The following PTK7 variants were observed in gnomAD, a reference collection of about 807,000 sequenced individuals.
The protein encoded by PTK7 is protein tyrosine kinase 7 (inactive), also known as inactive tyrosine-protein kinase 7.
In PTK7, 39 loss-of-function variants were observed where a neutral mutation model predicts 116.6. The ratio of observed to expected loss-of-function variants is 0.33; its 90% CI spans 0.26 to 0.44. The LOEUF (loss-of-function observed/expected upper bound fraction) is 0.44, where lower values mean the gene tolerates loss of function less well. PTK7 is among the 20% of genes least tolerant of loss of function. The pLI is 1.00. For missense variants in PTK7, 1,169 were observed against 1,425.6 expected (o/e 0.82, Z 2.90); for synonymous variants, 546 against 563.6 (o/e 0.97, Z 0.44).
intron 1 of PTK7, among the ~76,000 whole-genome samples, chr6:43,121,062 T>TG (rs966699470): frequency 1.3e-5 from 2 of 150,318 alleles, no homozygotes; most frequent in African/African-American, 4.9e-5. Context: ...TTCTGTTTTT[T>TG]TTTTTTTTTT....
At chr6:43,156,962 A>G (rs1298408026) in intron 17 of PTK7, among the ~76,000 whole-genome samples, 2 of 151,990 alleles carry the variant, frequency 1.3e-5, no homozygotes, top group African/African-American at 4.8e-5. Context: ...CCAGGCACAA[A>G]AGAGTATACA....
Position 43,142,284 on chromosome 6 carries a change from C to A in PTK7, c.2032C>A (p.Pro678Thr). Residue 678 changes from proline (P) to threonine (T), a missense_variant, in exon 13 of 20, where the codon CCC (proline) becomes ACC (threonine). Physicochemically the swap from Pro to Thr is conservative, Grantham distance 38. Around this residue, in one of 3 missense-constraint regions of PTK7, gnomAD observed 678 missense variants for 853.8 expected, o/e 0.79. Transcript: ENST00000230419. ...NSCNIKHTEA[P>T]LYVVDKPVPE... ...CTGCAACATCAAGCACACGGAGGCC[C>A]CCCTCTATGTCGTGGGTATGGGCTG... The A allele has an allele frequency of 6.2e-7, 1 of 1,614,176 alleles. No homozygotes were observed. The highest frequency in any genetic ancestry group is 1.3e-5 in the African/African-American group (1 of 75,048).
chr6:43,104,597 GAAAATAC>G (rs977755833), intron 1 of PTK7, among the ~76,000 whole-genome samples: 4 of 151,914 alleles, frequency 2.6e-5, no homozygotes, highest in Non-Finnish European at 4.4e-5. Flanking sequence ...TTTTAGTAGA[GAAAATAC>G]AAAATACAAC....
At chr6:43,087,765 A>G (rs1227011537) in intron 1 of PTK7, among the ~76,000 whole-genome samples, 2 of 152,166 alleles carry the variant, frequency 1.3e-5, no homozygotes, top group Non-Finnish European at 2.9e-5. Flanking sequence ...GCCACACCTT[A>G]CAGGCTCTCC....
In PTK7 at chr6:43,076,695, G is replaced by A; in HGVS notation, c.79+128G>A. ...TGGAGTAGTGGAGAGGCTCGCTGGGGGTGCAGGCTTGCGGCGGAAGGGCGC... is the reference window on the plus strand; with the variant it reads ...TGGAGTAGTGGAGAGGCTCGCTGGGAGTGCAGGCTTGCGGCGGAAGGGCGC... On this transcript the variant is annotated intron_variant, in intron 1 of 19. Coordinates refer to ENST00000230419, the MANE Select transcript of PTK7 (RefSeq NM_002821.5). The surrounding 1 kb of genome is among the most constrained non-coding windows in gnomAD (Gnocchi z 5.7). The A allele has an allele frequency of 4.3e-6, 6 of 1,386,320 alleles. No individual in the cohort carries two copies. Among genetic ancestry groups the A allele is most frequent in the East Asian group, 2.8e-5 (1 of 36,158 alleles). 85.9% of individuals were successfully genotyped at this position (1,386,320 alleles called of 1,614,324 possible).
intron 19 of PTK7, among the ~76,000 whole-genome samples, chr6:43,160,369 C>T (rs1242122957): frequency 6.6e-6 from 1 of 152,198 alleles, no homozygotes; most frequent in Non-Finnish European, 1.5e-5. Context: ...CCACCCGCCT[C>T]GGCCTCCCAA....
At chr6:43,156,601 C>T (rs1372166309) in intron 17 of PTK7, among the ~76,000 whole-genome samples, 1 of 151,530 alleles carries the variant, frequency 6.6e-6, no homozygotes, top group Admixed American at 6.6e-5. Flanking sequence ...AGAGTGAGAC[C>T]CTATCTCAAA....
chr6:43,145,556 T>A lies in PTK7; in HGVS notation c.2640+124T>A. ...GTGCAGTCTCAGCCGAGACCTCACC[T>A]GCCTGCTGTTACACTTTGCCCACCT... On this transcript the variant is annotated intron_variant, in intron 16 of 19. Transcript: ENST00000230419. This position sits in a 1 kb window ranked among gnomAD's most constrained non-coding sequence, Gnocchi z 4.8. 1.5e-6 allele frequency: 1 copy of A among 689,256 alleles called. No individual in the cohort carries two copies. The highest frequency in any genetic ancestry group is 3.4e-5 in the South Asian group (1 of 29,456). The allele number at this position is 689,256 out of a possible 1,614,324, so 42.7% of individuals were successfully genotyped here.
At chr6:43,134,362 A>G (rs1235874089) in intron 7 of PTK7, among the ~76,000 whole-genome samples, 1 of 152,124 alleles carries the variant, frequency 6.6e-6, no homozygotes, top group African/African-American at 2.4e-5. Flanking sequence ...TTTTTAAAAC[A>G]CAGGCCAGGC....
At chr6:43,146,383 G>A (rs1770726124) in intron 16 of PTK7, among the ~76,000 whole-genome samples, 1 of 152,022 alleles carries the variant, frequency 6.6e-6, no homozygotes, top group Non-Finnish European at 1.5e-5. Context: ...TTCCCCTTGG[G>A]GTAGAAATGC....
At chr6:43,160,256 C>T (rs1429577690) in intron 19 of PTK7, among the ~76,000 whole-genome samples, 1 of 152,182 alleles carries the variant, frequency 6.6e-6, no homozygotes, top group African/African-American at 2.4e-5. Flanking sequence ...GCTGGGATTA[C>T]AGGCACGCAC....
chr6:43,094,680 G>C (rs542499593), intron 1 of PTK7, among the ~76,000 whole-genome samples: 1 of 151,584 alleles, frequency 6.6e-6, no homozygotes. Flanking sequence ...GGGTTTCAGC[G>C]TGTTAGCCAG....
rs1223739562 is a variant in PTK7 at position 43,157,347 on chromosome 6, TATATATATATATA to T, written c.2722-1469_2722-1457del. On this transcript the variant is annotated intron_variant, in intron 17 of 19. Transcript: ENST00000230419. The stretch of plus-strand genomic sequence containing the variant: ...CACGCTATATATATATATATATATA[TATATATATATATA>T]TATATTTTTTTTTTTCTTTTTTTTT... Among the ~76,000 whole-genome samples the T allele has an allele frequency of 7.2e-3, 104 of 14,530 alleles. 8 individuals are homozygous for T. Among genetic ancestry groups the T allele is most frequent in the African/African-American group, 0.018 (65 of 3,536 alleles). 9.5% of individuals were successfully genotyped at this position (14,530 alleles called of 152,430 possible).
At chr6:43,146,593 G>A (rs764880056) in intron 16 of PTK7, 25 bp from the exon 17 acceptor site, 25 of 1,606,224 alleles carry the variant, frequency 1.6e-5, no homozygotes, top group Non-Finnish European at 2.0e-5. Context: ...ACTGACCTGA[G>A]CGAGATGCCT....
intron 1 of PTK7, among the ~76,000 whole-genome samples, chr6:43,106,608 G>A (rs183931593): frequency 1.1e-3 from 159 of 145,886 alleles, no homozygotes; most frequent in African/African-American, 3.4e-3. Flanking sequence ...CCTTTCCTTC[G>A]TAAAACCTTA....
chr6:43,128,308 C>G (rs1036097499), intron 1 of PTK7, among the ~76,000 whole-genome samples: 2 of 152,206 alleles, frequency 1.3e-5, no homozygotes, highest in African/African-American at 2.4e-5. Context: ...GGAAGCCTCC[C>G]TGTGCAGCCA....
intron 1 of PTK7, among the ~76,000 whole-genome samples, chr6:43,082,121 G>A (rs1315691590): frequency 1.3e-5 from 2 of 152,102 alleles, no homozygotes; most frequent in Non-Finnish European, 1.5e-5. Context: ...AAAGACCCAG[G>A]GCCACGTGGC....
intron 17 of PTK7, among the ~76,000 whole-genome samples, chr6:43,153,061 C>T (rs1480433614): frequency 6.6e-6 from 1 of 151,966 alleles, no homozygotes; most frequent in African/African-American, 2.4e-5. Context: ...GCTGGGATTA[C>T]AAGTGTGAGC....
At position 43,139,257 on chromosome 6, in the gene PTK7, G is replaced by T. The variant is rs759377536; in HGVS notation, c.1484G>T (p.Arg495Leu). The T allele has an allele frequency of 6.2e-7, 1 of 1,614,246 alleles. No homozygotes were observed. Among genetic ancestry groups the T allele is most frequent in the Non-Finnish European group, 8.5e-7 (1 of 1,180,042 alleles). ...TPAGSIEAQA[R>L]VQVLEKLKFT... ...GCCGGCAGCATCGAGGCGCAAGCCCGTGTCCAAGTGCTGGGTGAGCCAGCA... is the reference window on the plus strand; with the variant it reads ...GCCGGCAGCATCGAGGCGCAAGCCCTTGTCCAAGTGCTGGGTGAGCCAGCA... Residue 495 changes from arginine to leucine, a missense_variant, in exon 9 of 20, where the codon CGT becomes CTT. Arg to Leu is a moderately radical substitution (Grantham distance 102). This residue lies in a region of PTK7 where 678 missense variants were observed against 853.8 expected (regional missense o/e 0.79). Transcript: ENST00000230419. The surrounding 1 kb of genome is among the most constrained non-coding windows in gnomAD (Gnocchi z 4.6).
Sources: gnomAD v4.1 joint callset for allele counts (sites outside exome capture counted in the v4.1 genomes callset) on GRCh38, gnomAD v4.1.1 for gene constraint, gnomAD v4.1.1 regional missense constraint, Gnocchi (gnomAD v3.1) non-coding constraint, MANE v1.5 for transcripts, NCBI Gene and HGNC (gene_info 2026-07-23, HGNC 2026-07-21) for gene names.